Variants in NTM observed in about 807,000 individuals in gnomAD.
NTM encodes IgLON family member 2.
In NTM, 13 loss-of-function variants were observed where a neutral mutation model predicts 42.1. The observed-to-expected ratio is 0.31, with a 90% CI of 0.20 to 0.49. The LOEUF (loss-of-function observed/expected upper bound fraction) is 0.49. Ranked by LOEUF, NTM falls within the 20% of genes least tolerant of loss-of-function variation. The probability of loss-of-function intolerance (pLI) is 0.99; values close to 1 mark genes in which losing one functional copy is unlikely to be tolerated. For synonymous variants in NTM, 187 were observed against 179.2 expected (o/e 1.04, Z -0.35); for missense variants, 373 against 452.8 (o/e 0.82, Z 1.60).
chr11:131,981,831 C>T (rs774225236), intron 2 of NTM, among the ~76,000 whole-genome samples: 19 of 151,812 alleles, frequency 1.3e-4, no homozygotes, highest in South Asian at 2.1e-4. Flanking sequence ...GTCAACATGG[C>T]GAAACCCCAT....
At chr11:132,001,812 G>C (rs987939003) in intron 2 of NTM, among the ~76,000 whole-genome samples, 1 of 150,454 alleles carries the variant, frequency 6.6e-6, no homozygotes, top group African/African-American at 2.5e-5. Context: ...ACACACAATC[G>C]GTCAACAGTG....
At chr11:131,463,746 T>C (rs968875257) in intron 1 of NTM, among the ~76,000 whole-genome samples, 6 of 152,178 alleles carry the variant, frequency 3.9e-5, no homozygotes, top group Non-Finnish European at 8.8e-5. Flanking sequence ...AAATAGTCCA[T>C]GTGGAATCCA....
intron 1 of NTM, among the ~76,000 whole-genome samples, chr11:131,874,901 T>C (rs2048336131): frequency 1.3e-5 from 2 of 152,174 alleles, no homozygotes; most frequent in African/African-American, 4.8e-5. Flanking sequence ...TGATTTGTAA[T>C]TGAAGAGAGT....
At chr11:132,014,227 T>C (rs546712982) in intron 2 of NTM, among the ~76,000 whole-genome samples, 1 of 152,268 alleles carries the variant, frequency 6.6e-6, no homozygotes, top group South Asian at 2.1e-4. Flanking sequence ...TTTGTTTTTA[T>C]AGCTGAATAA....
chr11:131,731,664 T>C (rs2079704381), intron 1 of NTM, among the ~76,000 whole-genome samples: 1 of 152,170 alleles, frequency 6.6e-6, no homozygotes, highest in South Asian at 2.1e-4. Flanking sequence ...GTGGAAGCAG[T>C]CAGAGCAAAA....
At position 131,798,238 on chromosome 11, in the gene NTM, G is replaced by T. The variant is rs550888229; in HGVS notation, c.83-113326G>T. Among the ~76,000 whole-genome samples the T allele has an allele frequency of 5.3e-5, 8 of 152,316 alleles. No individual in the cohort carries two copies. The East Asian group carries it at 1.2e-3, about 22-fold the overall frequency. On this transcript the variant is annotated intron_variant, in intron 1 of 8. Transcript: ENST00000683400. ...TGTGTGGGTGCATGGGCTGCCGTCT[G>T]CAGGCTCCCCTGGGCATCTGTCTGC...
At chr11:131,515,145 G>A (rs150425502) in intron 1 of NTM, among the ~76,000 whole-genome samples, 3 of 152,212 alleles carry the variant, frequency 2.0e-5, no homozygotes, top group African/African-American at 7.2e-5. Flanking sequence ...AAACTCCTGG[G>A]TTCAAGCAGT....
chr11:131,739,870 T>C (rs772266625), intron 1 of NTM, among the ~76,000 whole-genome samples: 36 of 152,150 alleles, frequency 2.4e-4, no homozygotes, highest in Non-Finnish European at 4.4e-4. Context: ...ATGAAGACCC[T>C]GGAAAACCAT....
chr11:132,222,512 C>T (rs1420248846), intron 4 of NTM, among the ~76,000 whole-genome samples: 1 of 152,168 alleles, frequency 6.6e-6, no homozygotes, highest in Non-Finnish European at 1.5e-5. Flanking sequence ...CATTCTTCAT[C>T]TTCCTAGCTG....
intron 2 of NTM, among the ~76,000 whole-genome samples, chr11:132,057,723 A>T (rs1040708234): frequency 6.6e-6 from 1 of 152,200 alleles, no homozygotes; most frequent in Non-Finnish European, 1.5e-5. Context: ...CTAAAGAAAC[A>T]TCTTAGTTGG....
chr11:131,921,743 C>T (rs1192666610), intron 2 of NTM, among the ~76,000 whole-genome samples: 2 of 152,106 alleles, frequency 1.3e-5, no homozygotes, highest in Non-Finnish European at 2.9e-5. Flanking sequence ...GGGTCTCAGT[C>T]GTGAGCCCAG....
chr11:132,146,257 C>T lies in NTM; in HGVS notation c.168-25C>T, dbSNP rs747602602. On this transcript the variant is annotated intron_variant, in intron 2 of 8. Coordinates refer to ENST00000683400, the MANE Select transcript of NTM (RefSeq NM_001352005.2). The surrounding 1 kb of genome is among the most constrained non-coding windows in gnomAD (Gnocchi z 4.5). ...CTGCTGTCGTCTCTCAGTCCCTTGA[C>T]GTACCTGTCTGGTCTTCCCTTCAGG... The T allele has an allele frequency of 2.6e-5, 42 of 1,613,068 alleles. No individual in the cohort carries two copies. The highest frequency in any genetic ancestry group is 1.6e-4 in the Middle Eastern group (1 of 6,062).
chr11:131,448,863 A>G (rs760424764), intron 1 of NTM, among the ~76,000 whole-genome samples: 1 of 152,190 alleles, frequency 6.6e-6, no homozygotes, highest in African/African-American at 2.4e-5. Context: ...GGACTGTAAT[A>G]GAGTGGGAGG....
intron 1 of NTM, among the ~76,000 whole-genome samples, chr11:131,463,008 A>T (rs551919534): frequency 4.7e-5 from 7 of 149,942 alleles, no homozygotes; most frequent in African/African-American, 1.8e-4. Flanking sequence ...TTCAAATACA[A>T]CCTCTCCACA....
At chr11:132,078,044 T>C (rs2058586541) in intron 2 of NTM, among the ~76,000 whole-genome samples, 1 of 152,206 alleles carries the variant, frequency 6.6e-6, no homozygotes, top group Admixed American at 6.5e-5. Flanking sequence ...TACAAATAAA[T>C]ATACATGGAA....
At chr11:131,687,695 G>A (rs1249866249) in intron 1 of NTM, among the ~76,000 whole-genome samples, 1 of 152,194 alleles carries the variant, frequency 6.6e-6, no homozygotes, top group African/African-American at 2.4e-5. Flanking sequence ...CAAGGTTTGT[G>A]CTCCTCAAAG....
At chr11:131,657,677 G>A (rs567628849) in intron 1 of NTM, among the ~76,000 whole-genome samples, 2 of 152,210 alleles carry the variant, frequency 1.3e-5, no homozygotes, top group East Asian at 1.9e-4. Flanking sequence ...ATCTCTTATC[G>A]CTGGAATCCC....
At chr11:132,268,183 A>G (rs887156412) in intron 4 of NTM, among the ~76,000 whole-genome samples, 1 of 152,192 alleles carries the variant, frequency 6.6e-6, no homozygotes, top group African/African-American at 2.4e-5. Context: ...TCCTTACAAC[A>G]TAGTAGTTAG....
At chr11:132,235,654 C>T (rs911019945) in intron 4 of NTM, among the ~76,000 whole-genome samples, 4 of 152,126 alleles carry the variant, frequency 2.6e-5, no homozygotes, top group African/African-American at 9.7e-5. Context: ...CCACATGGGG[C>T]TCAGAGACCA....
Sources: gnomAD v4.1 joint callset for allele counts (sites outside exome capture counted in the v4.1 genomes callset) on GRCh38, gnomAD v4.1.1 for gene constraint, Gnocchi (gnomAD v3.1) non-coding constraint, MANE v1.5 for transcripts, NCBI Gene and HGNC (gene_info 2026-07-23, HGNC 2026-07-21) for gene names.